The following JARID2 variants were observed in gnomAD, a reference collection of about 807,000 sequenced individuals.
JARID2 encodes the protein jumonji and AT-rich interaction domain containing 2, also known as protein Jumonji.
In JARID2, 21 loss-of-function variants were observed where a neutral mutation model predicts 125.6. That is an observed-to-expected ratio of 0.17 (90% CI 0.12 to 0.24). The LOEUF is 0.24. JARID2 is among the 10% of genes least tolerant of loss of function. The pLI is 1.00. For missense variants in JARID2, 1,303 were observed against 1,639.6 expected, an observed-to-expected ratio of 0.79 and a Z score of 3.55; for synonymous variants, 736 against 661.6, an observed-to-expected ratio of 1.11 and a Z score of -1.73.
At chr6:15,419,138 A>T (rs116699320) in intron 3 of JARID2, among the ~76,000 whole-genome samples, 4,091 of 152,336 alleles carry the variant, frequency 0.027, 70 homozygotes, top group Non-Finnish European at 0.043. Context: ...AAAGCAAAAC[A>T]ATCAGCAAAA....
chr6:15,395,384 G>A (rs1415887754), intron 2 of JARID2, among the ~76,000 whole-genome samples: 2 of 151,658 alleles, frequency 1.3e-5, no homozygotes, highest in Non-Finnish European at 2.9e-5. Context: ...CAACCTCCGG[G>A]AGTCCTGAGT....
rs116027430 is a variant in JARID2, at chr6:15,325,315, G to A, written c.46-48802G>A. Among the ~76,000 whole-genome samples the A allele has an allele frequency of 2.6e-3, 398 of 152,242 alleles. 2 individuals carry two copies. Among genetic ancestry groups the A allele is most frequent in the Non-Finnish European group, 4.4e-3 (301 of 68,010 alleles). On this transcript the variant is annotated intron_variant, in intron 1 of 17. Coordinates refer to ENST00000341776, the MANE Select transcript of JARID2 (RefSeq NM_004973.4). ...ACACAACTGAAACAATTTCAGCTTA[G>A]CCTCACTCTCCGTGTTATATTGTAA...
intron 1 of JARID2, among the ~76,000 whole-genome samples, chr6:15,256,092 A>C (rs1348492919): frequency 6.6e-6 from 1 of 152,164 alleles, no homozygotes; most frequent in African/African-American, 2.4e-5. Context: ...TTGATGTGAA[A>C]GCACTTTGTA....
chr6:15,320,969 T>C (rs1264903045), intron 1 of JARID2, among the ~76,000 whole-genome samples: 1 of 152,068 alleles, frequency 6.6e-6, no homozygotes, highest in Non-Finnish European at 1.5e-5. Context: ...TTGGGAGTTT[T>C]ATGAAATGTT....
chr6:15,295,749 T>A (rs6902997), intron 1 of JARID2, among the ~76,000 whole-genome samples: 1 of 152,132 alleles, frequency 6.6e-6, no homozygotes, highest in African/African-American at 2.4e-5. Context: ...CTGCAACCTC[T>A]GCCTCCTGAG....
intron 1 of JARID2, among the ~76,000 whole-genome samples, chr6:15,255,324 C>A (rs1007935724): frequency 1.3e-5 from 2 of 152,008 alleles, no homozygotes; most frequent in Non-Finnish European, 2.9e-5. Context: ...AGGATGGTCT[C>A]TATCTCTTGA....
At chr6:15,286,704 CA>C (rs1561770961) in intron 1 of JARID2, among the ~76,000 whole-genome samples, 1 of 151,164 alleles carries the variant, frequency 6.6e-6, no homozygotes, top group South Asian at 2.1e-4. Context: ...AATAAAAATA[CA>C]AAAAAAATTA....
chr6:15,290,096 TAG>T (rs1230856303), intron 1 of JARID2, among the ~76,000 whole-genome samples: 6 of 152,176 alleles, frequency 3.9e-5, no homozygotes, highest in Admixed American at 2.6e-4. Context: ...CCAATTGAAA[TAG>T]AGAATATTTT....
intron 1 of JARID2, among the ~76,000 whole-genome samples, chr6:15,360,385 G>A (rs1389134275): frequency 4.6e-5 from 7 of 151,956 alleles, no homozygotes; most frequent in South Asian, 2.1e-4. Flanking sequence ...GAGTTTCACC[G>A]TGTTGGCCTG....
At chr6:15,455,103 G>A (rs944353815) in intron 4 of JARID2, among the ~76,000 whole-genome samples, 1 of 151,890 alleles carries the variant, frequency 6.6e-6, no homozygotes, top group Non-Finnish European at 1.5e-5. Flanking sequence ...CTGACACGGT[G>A]GAATCCTTGA....
intron 2 of JARID2, among the ~76,000 whole-genome samples, chr6:15,399,543 AT>A (rs1765346018): frequency 6.6e-6 from 1 of 152,140 alleles, no homozygotes; most frequent in Non-Finnish European, 1.5e-5. Context: ...ATGTTTATAT[AT>A]TTTTGATGTA....
At chr6:15,458,461 C>T (rs1236618571) in intron 4 of JARID2, among the ~76,000 whole-genome samples, 2 of 152,160 alleles carry the variant, frequency 1.3e-5, no homozygotes, top group African/African-American at 4.8e-5. Flanking sequence ...CGTTGTGAAG[C>T]AATGCTGTCT....
At chr6:15,286,596 C>T (rs1172562270) in intron 1 of JARID2, among the ~76,000 whole-genome samples, 1 of 151,600 alleles carries the variant, frequency 6.6e-6, no homozygotes, top group African/African-American at 2.4e-5. Context: ...CGTGGTGGCT[C>T]ACGCCTGTAT....
intron 3 of JARID2, among the ~76,000 whole-genome samples, chr6:15,444,460 G>A: frequency 6.6e-6 from 1 of 152,106 alleles, no homozygotes; most frequent in East Asian, 1.9e-4. Flanking sequence ...GCTTGCCCTG[G>A]GTAGAGGGTA....
chr6:15,469,690 A>C lies in JARID2; in HGVS notation c.670+972A>C, dbSNP rs991139899. 2.6e-5 allele frequency among the ~76,000 whole-genome samples: 4 copies of C among 152,040 alleles called. No individual in the cohort carries two copies. In the East Asian group the frequency reaches 5.9e-4, roughly 22 times the overall value. ...AAACATGAAGCCGGCATCGATGATGAGGACTTCTTAAAGGGAAATAACTTG... is the reference window on the plus strand; with the variant it reads ...AAACATGAAGCCGGCATCGATGATGCGGACTTCTTAAAGGGAAATAACTTG... On this transcript the variant is annotated intron_variant, in intron 5 of 17. Transcript: ENST00000341776.
chr6:15,414,179 G>A (rs1766026571), intron 3 of JARID2, among the ~76,000 whole-genome samples: 1 of 152,004 alleles, frequency 6.6e-6, no homozygotes, highest in Non-Finnish European at 1.5e-5. Flanking sequence ...CCTTCTTATG[G>A]AAAATAAAAA....
chr6:15,392,039 GGT>G (rs55811028), intron 2 of JARID2, among the ~76,000 whole-genome samples: 11,037 of 122,640 alleles, frequency 0.09, 567 homozygotes, highest in East Asian at 0.21. Flanking sequence ...ATCCCAGAGT[GGT>G]GTGTGTGTGT....
At chr6:15,494,413 CTTTTTTTTTTTTTTTT>C (rs60218567) in intron 6 of JARID2, among the ~76,000 whole-genome samples, 1 of 80,596 alleles carries the variant, frequency 1.2e-5, no homozygotes, top group East Asian at 4.3e-4. Flanking sequence ...TTTGGCAAGT[CTTTTTTTTTTTTTTTT>C]TTTTGAGACA....
intron 1 of JARID2, among the ~76,000 whole-genome samples, chr6:15,298,508 C>T (rs141362471): frequency 1.9e-3 from 281 of 151,766 alleles, no homozygotes; most frequent in African/African-American, 6.4e-3. Flanking sequence ...GGTGAAACCC[C>T]GCCTCTAGGA....
Sources: gnomAD v4.1 joint callset for allele counts (sites outside exome capture counted in the v4.1 genomes callset) on GRCh38, gnomAD v4.1.1 for gene constraint, MANE v1.5 for transcripts, NCBI Gene and HGNC (gene_info 2026-07-23, HGNC 2026-07-21) for gene names.